BOD1L1: variants seen among roughly 807,000 people sequenced by gnomAD.
BOD1L1 encodes the protein biorientation of chromosomes in cell division 1 like 1.
Under a neutral mutation model 240.7 loss-of-function variants are expected in BOD1L1, and 86 were observed. The ratio of observed to expected loss-of-function variants is 0.36; its 90% confidence interval spans 0.30 to 0.43. The LOEUF (loss-of-function observed/expected upper bound fraction) is 0.43, where lower values mean the gene tolerates loss of function less well. BOD1L1 is among the 20% of genes least tolerant of loss of function. The pLI is 1.00. For missense variants in BOD1L1, 3,554 were observed against 3,643.5 expected (o/e 0.98, Z 0.63); for synonymous variants, 1,268 against 1,272.3 (o/e 1.00, Z 0.07).
At chr4:13,584,206 AT>A (rs1293096818) in intron 17 of BOD1L1, among the ~76,000 whole-genome samples, 5 of 152,088 alleles carry the variant, frequency 3.3e-5, no homozygotes, top group African/African-American at 1.2e-4. Context: ...GAGGGTGTTG[AT>A]TTAGAGGATG....
Position 13,570,063 on chromosome 4 carries a change from G to C in BOD1L1, c.9104C>G (p.Thr3035Arg), listed in dbSNP as rs774325271. 1.9e-6 allele frequency: 3 copies of C among 1,606,466 alleles called. No homozygotes were observed. Among genetic ancestry groups the C allele is most frequent in the African/African-American group, 1.3e-5 (1 of 74,410 alleles). ...TTCCTCCACCCTTTGCTGGCCTCTTGTTCGGGCCCCAGGAGGGCTGACTTC... is the reference window on the plus strand; with the variant it reads ...TTCCTCCACCCTTTGCTGGCCTCTTCTTCGGGCCCCAGGAGGGCTGACTTC... ...KREVSPPGAR[T>R]RGQQRVEEAP... Residue 3035 changes from threonine to arginine, a missense_variant, in exon 26 of 26, where the codon ACA becomes AGA. Physicochemically the swap from Thr to Arg is moderately conservative, Grantham distance 71. Transcript: ENST00000040738.
chr4:13,610,852 C>T, intron 6 of BOD1L1, 82 bp downstream of exon 6: 2 of 1,178,452 alleles, frequency 1.7e-6, no homozygotes, highest in Non-Finnish European at 2.3e-6. Context: ...GCTTCATATG[C>T]ACATCAGTAC....
intron 2 of BOD1L1, among the ~76,000 whole-genome samples, chr4:13,616,309 G>A (rs988141340): frequency 1.3e-5 from 2 of 152,168 alleles, no homozygotes; most frequent in Non-Finnish European, 2.9e-5. Context: ...TATTAGATAT[G>A]TCGAAGATAA....
At chr4:13,619,484 G>A (rs1716882712) in intron 2 of BOD1L1, among the ~76,000 whole-genome samples, 1 of 152,024 alleles carries the variant, frequency 6.6e-6, no homozygotes, top group African/African-American at 2.4e-5. Flanking sequence ...AAAAGTCATA[G>A]TAAAATGCAA....
chr4:13,614,921 C>A (rs1716468876), intron 3 of BOD1L1, 111 bp from the exon 4 acceptor site: 2 of 1,148,844 alleles, frequency 1.7e-6, no homozygotes, highest in South Asian at 1.7e-5. Context: ...GCTGTGCAGA[C>A]CATCTGTATA....
At position 13,580,098 on chromosome 4, in the gene BOD1L1, A is replaced by T. The variant is rs76949035; in HGVS notation, c.8704-125T>A. 0.012 allele frequency: 7,519 copies of T among 643,400 alleles called. 390 individuals are homozygous for T. The African/African-American group carries it at 0.12, about 10-fold the overall frequency. 39.9% of individuals were successfully genotyped at this position (643,400 alleles called of 1,614,324 possible). A position where few individuals can be genotyped will look rare whatever the true frequency, so the allele number is the denominator to read the frequency against. ...ATTTACATAGGCGTATTTGAGACCT[A>T]TTTTCTGTAATTGATTAAGTATACC... On this transcript the variant is annotated intron_variant, in intron 21 of 25. Coordinates refer to ENST00000040738, the MANE Select transcript of BOD1L1 (RefSeq NM_148894.3).
Position 13,601,669 on chromosome 4 carries a change from A to C in BOD1L1, c.5231T>G (p.Val1744Gly). ...TTCCTCCCGGGGCCCTGCTCCAGTT[A>C]CTGAGCAGATCACAAAGTTATCACT... is the stretch of plus-strand genomic sequence containing the variant. ...GRSDNFVICSVTGAGPREERM... is the reference protein window; with the variant it reads ...GRSDNFVICSGTGAGPREERM... Residue 1744 changes from valine (V) to glycine (G), a missense_variant, in exon 10 of 26, where the codon GTA becomes GGA. This residue lies in a region of BOD1L1 where 3,393 missense variants were observed against 3,427.1 expected (regional missense o/e 0.99). Transcript: ENST00000040738. 6.2e-7 allele frequency: 1 copy of C among 1,613,994 alleles called. No individual in the cohort carries two copies. The highest frequency in any genetic ancestry group is 8.5e-7 in the Non-Finnish European group (1 of 1,179,888).
intron 6 of BOD1L1, 34 bp from the exon 7 acceptor site, chr4:13,609,440 G>A (rs765381749): frequency 2.3e-5 from 30 of 1,318,912 alleles, no homozygotes; most frequent in Non-Finnish European, 2.8e-5. Flanking sequence ...AGATTATTAG[G>A]CAAAGGCAAA....
chr4:13,610,603 A>T (rs995395551), intron 6 of BOD1L1, among the ~76,000 whole-genome samples: 1 of 152,232 alleles, frequency 6.6e-6, no homozygotes, highest in Non-Finnish European at 1.5e-5. Context: ...CATATAAGAA[A>T]CACAAAGGAA....
chr4:13,595,722 C>G, intron 12 of BOD1L1, 138 bp downstream of exon 12: 2 of 598,200 alleles, frequency 3.3e-6, no homozygotes, highest in Non-Finnish European at 5.8e-6. Context: ...AGAATTCTCC[C>G]TAATCTATTT....
intron 14 of BOD1L1, 57 bp from the exon 15 acceptor site, chr4:13,588,849 C>T (rs1713944637): frequency 3.1e-6 from 4 of 1,297,998 alleles, no homozygotes; most frequent in Non-Finnish European, 3.2e-6. Flanking sequence ...TATTCCAATA[C>T]TTACTTAGGT....
At chr4:13,583,542 G>A (rs78619346) in intron 17 of BOD1L1, among the ~76,000 whole-genome samples, 8,219 of 152,192 alleles carry the variant, frequency 0.054, 257 homozygotes, top group African/African-American at 0.081. Context: ...GGAAGGGGAT[G>A]GATATAAAAG....
chr4:13,569,983 C>T lies in BOD1L1; in HGVS notation c.*28G>A. On this transcript the variant is annotated 3_prime_UTR_variant, in exon 26 of 26. Coordinates refer to ENST00000040738, the MANE Select transcript of BOD1L1 (RefSeq NM_148894.3). ...CTCTTTCCTCTCCACCGTGTTCCTCCATAAGCCTAGGGCAGCAGTGGTCAG... is the reference window on the plus strand; with the variant it reads ...CTCTTTCCTCTCCACCGTGTTCCTCTATAAGCCTAGGGCAGCAGTGGTCAG... 3 of 1,496,420 alleles carry T rather than the reference C, an allele frequency of 2.0e-6. No homozygotes were observed. Among genetic ancestry groups the T allele is most frequent in the Non-Finnish European group, 2.7e-6 (3 of 1,116,998 alleles). 92.7% of individuals were successfully genotyped at this position (1,496,420 alleles called of 1,614,324 possible).
rs184864770 is a variant in BOD1L1, at chr4:13,601,247, T to C, written c.5653A>G (p.Thr1885Ala). The change falls in exon 10 of 26, where the codon ACT (threonine) becomes GCT (alanine). Residue 1885 changes from threonine to alanine, a missense_variant. Physicochemically the swap from Thr to Ala is moderately conservative, Grantham distance 58. Around this residue, in one of 2 missense-constraint regions of BOD1L1, gnomAD observed 3,393 missense variants for 3,427.1 expected, o/e 0.99. Coordinates refer to ENST00000040738, the MANE Select transcript of BOD1L1 (RefSeq NM_148894.3). ...GRGNEIGHAS[T>A]CTGLGEESEG... ...CTTTCTTCTCCTAACCCTGTACAAG[T>C]TGAAGCATGCCCAATTTCATTTCCT... 4.1e-5 allele frequency: 66 copies of C among 1,613,986 alleles called. 1 individual carries two copies. The East Asian group carries it at 1.3e-3, about 33-fold the overall frequency.
In BOD1L1 at chr4:13,608,677, G is replaced by T. The variant is rs1466728009; in HGVS notation, c.1604-9C>A. ...GTCCACACTACTCCTGCCTAGAAAAGAAGCAATCAATAAAACGTATTTCAG... is the reference window on the plus strand; with the variant it reads ...GTCCACACTACTCCTGCCTAGAAAATAAGCAATCAATAAAACGTATTTCAG... On this transcript the variant is annotated splice_polypyrimidine_tract_variant and intron_variant, in intron 7 of 25. Transcript: ENST00000040738. The T allele has an allele frequency of 2.1e-6, 3 of 1,428,316 alleles. No individual in the cohort carries two copies. The highest frequency in any genetic ancestry group is 2.8e-6 in the Non-Finnish European group (3 of 1,090,684). The allele number at this position is 1,428,316 out of a possible 1,614,324, so 88.5% of individuals were successfully genotyped here.
chr4:13,605,121 A>G, intron 9 of BOD1L1, 37 bp from the exon 10 acceptor site: 1 of 1,430,590 alleles, frequency 7.0e-7, no homozygotes, highest in Non-Finnish European at 9.2e-7. Flanking sequence ...GAGAAATACC[A>G]AAATCAATTT....
Position 13,599,680 on chromosome 4 carries a change from CCCT to C in BOD1L1, c.7217_7219del (p.Glu2406del), listed in dbSNP as rs774249795. ...CTTGTGGACTGATGGCCCGTTGTGCCCCTCCTCGGTGCTCACTGCCAACACGGG... is the reference window on the plus strand; with the variant it reads ...CTTGTGGACTGATGGCCCGTTGTGCCCCTCGGTGCTCACTGCCAACACGGG... On this transcript the variant is annotated inframe_deletion, in exon 10 of 26. Transcript: ENST00000040738. 2 of 1,613,766 alleles carry C rather than the reference CCCT, an allele frequency of 1.2e-6. No individual in the cohort carries two copies. The highest frequency in any genetic ancestry group is 1.3e-5 in the African/African-American group (1 of 74,920).
At chr4:13,619,572 T>G (rs1347090806) in intron 2 of BOD1L1, among the ~76,000 whole-genome samples, 1 of 152,198 alleles carries the variant, frequency 6.6e-6, no homozygotes, top group Non-Finnish European at 1.5e-5. Context: ...ATCTTTAATG[T>G]CTTTATTTGT....
At position 13,599,018 on chromosome 4, in the gene BOD1L1, T is replaced by G. The variant is rs112804736; in HGVS notation, c.7882A>C (p.Thr2628Pro). 2.5e-6 allele frequency: 4 copies of G among 1,613,964 alleles called. No homozygotes were observed. The highest frequency in any genetic ancestry group is 2.5e-6 in the Non-Finnish European group (3 of 1,179,826). Reference protein sequence around the residue: ...SAEKTGDDNSTRKSFPEEGDI... With the variant: ...SAEKTGDDNSPRKSFPEEGDI... ...CCTTCCTCAGGGAATGATTTCCTTG[T>G]GCTGTTATCATCTCCTGTTTTCTCA... The change falls in exon 10 of 26, where the codon ACA (threonine) becomes CCA (proline). Residue 2628 changes from threonine (T) to proline (P), a missense_variant. Physicochemically the swap from Thr to Pro is conservative, Grantham distance 38. Transcript: ENST00000040738.
Sources: gnomAD v4.1 joint callset for allele counts (sites outside exome capture counted in the v4.1 genomes callset) on GRCh38, gnomAD v4.1.1 for gene constraint, gnomAD v4.1.1 regional missense constraint, MANE v1.5 for transcripts, NCBI Gene and HGNC (gene_info 2026-07-23, HGNC 2026-07-21) for gene names.